KLHL1: variants seen among roughly 807,000 people sequenced by gnomAD.
KLHL1 encodes kelch-like protein 1.
A neutral mutation model predicts 77.7 loss-of-function variants in KLHL1; 47 were observed. That is an observed-to-expected ratio of 0.60 (90% CI 0.48 to 0.77). The LOEUF is 0.77. Among genes scored for constraint, KLHL1 ranks in the 30% least tolerant of loss-of-function variants. KLHL1 has a pLI of 0.00. For synonymous variants in KLHL1, 360 were observed against 325.2 expected (o/e 1.11, Z -1.15); for missense variants, 925 against 910.8 (o/e 1.02, Z -0.20).
chr13:70,074,028 G>T (rs1005896403), intron 1 of KLHL1, among the ~76,000 whole-genome samples: 16 of 151,952 alleles, frequency 1.1e-4, no homozygotes, highest in African/African-American at 3.6e-4. Context: ...GTTTCTCCAT[G>T]TTGGTCAGGC....
intron 1 of KLHL1, among the ~76,000 whole-genome samples, chr13:70,009,030 C>T (rs1885470085): frequency 1.3e-5 from 2 of 152,072 alleles, no homozygotes; most frequent in African/African-American, 2.4e-5. Context: ...GAGATTATAA[C>T]ATTCACTACT....
intron 3 of KLHL1, among the ~76,000 whole-genome samples, chr13:69,951,569 GC>G: frequency 6.6e-6 from 1 of 151,622 alleles, no homozygotes; most frequent in African/African-American, 2.4e-5. Flanking sequence ...CTCACATTCT[GC>G]CCAGATTGGG....
chr13:70,090,708 T>C (rs940850981), intron 1 of KLHL1, among the ~76,000 whole-genome samples: 1 of 152,190 alleles, frequency 6.6e-6, no homozygotes. Flanking sequence ...GATAGTATTA[T>C]AAAGCAATCA....
intron 1 of KLHL1, among the ~76,000 whole-genome samples, chr13:70,019,535 T>C (rs560536568): frequency 2.3e-4 from 35 of 152,272 alleles, no homozygotes; most frequent in African/African-American, 7.9e-4. Context: ...TTAACACTTA[T>C]TACATACTCC....
intron 1 of KLHL1, among the ~76,000 whole-genome samples, chr13:70,099,042 C>CA (rs1887860638): frequency 6.6e-6 from 1 of 151,774 alleles, no homozygotes; most frequent in South Asian, 2.1e-4. Context: ...TTCAGTGTAA[C>CA]ATGTCAAGAA....
At chr13:69,820,527 A>C (rs1221469877) in intron 6 of KLHL1, among the ~76,000 whole-genome samples, 1 of 152,190 alleles carries the variant, frequency 6.6e-6, no homozygotes, top group Non-Finnish European at 1.5e-5. Context: ...ATAATTGAAA[A>C]AGGGAATTGG....
chr13:69,853,605 A>C (rs1879778773), intron 5 of KLHL1, among the ~76,000 whole-genome samples: 1 of 152,016 alleles, frequency 6.6e-6, no homozygotes, highest in Non-Finnish European at 1.5e-5. Flanking sequence ...TACTTTCATC[A>C]GTTTAATGTG....
rs765392850 is a variant in KLHL1, at chr13:69,740,454, G to T, written c.1742C>A (p.Thr581Lys). 1 of 1,612,838 alleles carries T rather than the reference G, an allele frequency of 6.2e-7. No individual in the cohort carries two copies. The change falls in exon 8 of 11, where the codon ACA (threonine) becomes AAA (lysine). Residue 581 changes from threonine to lysine, a missense_variant. By Grantham distance (78) the Thr-to-Lys change is moderately conservative. Transcript: ENST00000377844. Reference sequence around the variant, plus strand: ...AGCAATTGACATACTGGCTACAAATGTCCATTGTTGACTCTGTGGATCCCA... The same window carrying T: ...AGCAATTGACATACTGGCTACAAATTTCCATTGTTGACTCTGTGGATCCCA... ...ERWDPQSQQW[T>K]FVASMSIARS... is the part of the protein sequence containing the mutation.
At chr13:69,742,940 A>G (rs9564597) in intron 7 of KLHL1, among the ~76,000 whole-genome samples, 31,206 of 152,102 alleles carry the variant, frequency 0.21, 3,317 homozygotes, top group South Asian at 0.3. Flanking sequence ...TTAGAGAAGT[A>G]TAGGTAGATA....
intron 1 of KLHL1, among the ~76,000 whole-genome samples, chr13:70,022,976 A>G (rs1885841749): frequency 6.6e-6 from 1 of 151,950 alleles, no homozygotes; most frequent in African/African-American, 2.4e-5. Context: ...TGAAGTTTCG[A>G]TCATGTCTTC....
At chr13:69,721,642 T>C (rs1593772593) in intron 8 of KLHL1, among the ~76,000 whole-genome samples, 1 of 152,146 alleles carries the variant, frequency 6.6e-6, no homozygotes, top group Non-Finnish European at 1.5e-5. Flanking sequence ...TACAAATTCA[T>C]GCTCTAATAC....
intron 4 of KLHL1, among the ~76,000 whole-genome samples, chr13:69,911,933 C>G (rs915990366): frequency 2.0e-5 from 3 of 152,102 alleles, no homozygotes; most frequent in African/African-American, 7.2e-5. Context: ...ATTTAAATAA[C>G]ACGAAGAGTG....
At chr13:69,940,462 T>C (rs60600073) in intron 3 of KLHL1, among the ~76,000 whole-genome samples, 1 of 152,078 alleles carries the variant, frequency 6.6e-6, no homozygotes, top group African/African-American at 2.4e-5. Flanking sequence ...GCAGTTTCAA[T>C]CAACATATCT....
At chr13:70,082,339 A>G (rs1219491151) in intron 1 of KLHL1, among the ~76,000 whole-genome samples, 1 of 147,818 alleles carries the variant, frequency 6.8e-6, no homozygotes, top group African/African-American at 2.5e-5. Flanking sequence ...ACACACACAC[A>G]CACACACACA....
At chr13:69,764,003 G>A (rs546118744) in intron 7 of KLHL1, among the ~76,000 whole-genome samples, 7 of 152,066 alleles carry the variant, frequency 4.6e-5, no homozygotes, top group Admixed American at 4.6e-4. Flanking sequence ...AGTGGGATTT[G>A]ATACCAAATA....
At chr13:69,990,230 C>T (rs1236775924) in intron 1 of KLHL1, among the ~76,000 whole-genome samples, 1 of 151,938 alleles carries the variant, frequency 6.6e-6, no homozygotes, top group Non-Finnish European at 1.5e-5. Context: ...CTTAAGTACA[C>T]AGACAGTGAC....
chr13:69,888,448 T>C (rs908914618), intron 4 of KLHL1, among the ~76,000 whole-genome samples: 2 of 152,110 alleles, frequency 1.3e-5, no homozygotes, highest in African/African-American at 4.8e-5. Flanking sequence ...ATCTAATGAC[T>C]GTGGTCTTTC....
intron 7 of KLHL1, among the ~76,000 whole-genome samples, chr13:69,789,363 TATTA>T (rs1876746978): frequency 6.6e-6 from 1 of 151,920 alleles, no homozygotes; most frequent in African/African-American, 2.4e-5. Context: ...ATTATTACAT[TATTA>T]TTTACTTTTT....
chr13:69,934,958 A>ATG (rs1441762190), intron 4 of KLHL1, among the ~76,000 whole-genome samples: 28 of 81,542 alleles, frequency 3.4e-4, no homozygotes, highest in South Asian at 8.1e-4. Context: ...GTGTGTGTGC[A>ATG]TGTGTATATA....
Sources: allele counts gnomAD v4.1 joint callset (sites outside exome capture counted in the v4.1 genomes callset), GRCh38; gene constraint gnomAD v4.1.1; transcripts MANE v1.5; gene names NCBI Gene and HGNC (gene_info 2026-07-23, HGNC 2026-07-21).